SYN3: variants seen among roughly 807,000 people sequenced by gnomAD.
SYN3 encodes the protein synapsin III.
A neutral mutation model predicts 65.8 loss-of-function variants in SYN3; 35 were observed. The observed-to-expected ratio is 0.53, with a 90% CI of 0.41 to 0.70. SYN3 has a LOEUF of 0.70. SYN3 is among the 30% of genes least tolerant of loss of function. The probability of loss-of-function intolerance (pLI) is 0.00; values close to 1 mark genes in which losing one functional copy is unlikely to be tolerated. For synonymous variants in SYN3, 270 were observed against 292.9 expected, an observed-to-expected ratio of 0.92 and a Z score of 0.80; for missense variants, 680 against 749.0, an observed-to-expected ratio of 0.91 and a Z score of 1.08.
chr22:32,839,231 C>G (rs905578401), intron 6 of SYN3, among the ~76,000 whole-genome samples: 10 of 152,208 alleles, frequency 6.6e-5, no homozygotes, highest in Middle Eastern at 3.4e-3. Context: ...CAGAATAATC[C>G]TGTAGATACT....
At chr22:32,655,097 G>A (rs1257511682) in intron 6 of SYN3, among the ~76,000 whole-genome samples, 1 of 152,188 alleles carries the variant, frequency 6.6e-6, no homozygotes, top group African/African-American at 2.4e-5. Context: ...TAAACCCCAA[G>A]GTGATGGTAT....
chr22:32,583,946 A>G (rs2058986129), intron 7 of SYN3: 2 of 152,262 alleles, frequency 1.3e-5, no homozygotes, highest in African/African-American at 2.4e-5. Flanking sequence ...TCAGATCCTG[A>G]ATTCCAGCAG....
intron 4 of SYN3, among the ~76,000 whole-genome samples, chr22:32,871,219 A>T (rs2048841767): frequency 6.6e-6 from 1 of 152,210 alleles, no homozygotes; most frequent in Admixed American, 6.5e-5. Flanking sequence ...AAAAACAAAA[A>T]ACACCAAACC....
At position 32,541,634 on chromosome 22, in the gene SYN3, G is replaced by A. The variant is rs1314831621; in HGVS notation, c.854C>T (p.Ala285Val). ...GATGTCGTACTTGGAGTCGATGAAG[G>A]CCTCGGTGGTGGCGTAGGTTTTGGC... The part of the protein sequence containing the change: ...AMAKTYATTE[A>V]FIDSKYDIRI... Residue 285 changes from alanine to valine, a missense_variant, in exon 8 of 14, where the codon GCC (alanine) becomes GTC (valine). Ala to Val is a moderately conservative substitution (Grantham distance 64). Coordinates refer to ENST00000358763, the MANE Select transcript of SYN3 (RefSeq NM_003490.4). 4 of 1,614,024 alleles carry A rather than the reference G, an allele frequency of 2.5e-6. No homozygotes were observed. The East Asian group carries it at 6.7e-5, about 27-fold the overall frequency.
intron 6 of SYN3, among the ~76,000 whole-genome samples, chr22:32,657,414 C>T (rs1236109110): frequency 6.6e-6 from 1 of 150,832 alleles, no homozygotes; most frequent in African/African-American, 2.4e-5. Context: ...TGAGCCACCG[C>T]GCCCGGCCCG....
intron 6 of SYN3, among the ~76,000 whole-genome samples, chr22:32,722,564 C>T (rs2061134589): frequency 6.6e-6 from 1 of 152,220 alleles, no homozygotes. Flanking sequence ...ATGTCTCTTA[C>T]TCGGACAGTG....
intron 7 of SYN3, among the ~76,000 whole-genome samples, chr22:32,578,294 T>C (rs1307147848): frequency 6.6e-6 from 1 of 152,030 alleles, no homozygotes; most frequent in East Asian, 1.9e-4. Context: ...GGGCCTAGGC[T>C]GGAGTGCAGT....
chr22:33,020,104 AAC>A (rs1237442335), intron 1 of SYN3, among the ~76,000 whole-genome samples: 1 of 152,204 alleles, frequency 6.6e-6, no homozygotes, highest in Non-Finnish European at 1.5e-5. Context: ...AGAGACTCTG[AAC>A]ACAGAGGCCC....
intron 6 of SYN3, among the ~76,000 whole-genome samples, chr22:32,828,271 G>A (rs143813982): frequency 2.6e-5 from 4 of 152,188 alleles, no homozygotes; most frequent in African/African-American, 9.7e-5. Flanking sequence ...GCCTTCAAGT[G>A]GGGGAAACTC....
At chr22:32,694,263 C>A (rs889347779) in intron 6 of SYN3, among the ~76,000 whole-genome samples, 5 of 152,140 alleles carry the variant, frequency 3.3e-5, no homozygotes, top group Non-Finnish European at 7.3e-5. Flanking sequence ...GATGTAGAAA[C>A]TCGGGCAAGC....
chr22:32,725,236 A>G (rs1208260589), intron 6 of SYN3, among the ~76,000 whole-genome samples: 1 of 152,048 alleles, frequency 6.6e-6, no homozygotes, highest in Non-Finnish European at 1.5e-5. Flanking sequence ...TTTTTTTGCT[A>G]CTTTGGAGGA....
chr22:32,857,597 C>G (rs1243072730), intron 6 of SYN3, among the ~76,000 whole-genome samples: 1 of 152,210 alleles, frequency 6.6e-6, no homozygotes, highest in Non-Finnish European at 1.5e-5. Context: ...TAATTTGTAG[C>G]TTCTCAACTT....
chr22:32,725,131 AAACACAACACAACACAACACAACGC>A (rs1255792162), intron 6 of SYN3, among the ~76,000 whole-genome samples: 9 of 152,122 alleles, frequency 5.9e-5, no homozygotes, highest in Non-Finnish European at 8.8e-5. Flanking sequence ...AAAACAAAAC[AAACACAACACAACACAACACAACGC>A]AACACAACAC....
At chr22:32,853,992 A>T (rs1393923594) in intron 6 of SYN3, among the ~76,000 whole-genome samples, 2 of 152,164 alleles carry the variant, frequency 1.3e-5, no homozygotes, top group Non-Finnish European at 2.9e-5. Context: ...TTTGGATTAG[A>T]TTACCTTTAA....
chr22:32,671,308 T>G (rs946489416), intron 6 of SYN3, among the ~76,000 whole-genome samples: 3 of 151,048 alleles, frequency 2.0e-5, no homozygotes, highest in Non-Finnish European at 3.0e-5. Context: ...ACGCACACAT[T>G]CACACACCTC....
rs185456078 is a variant in SYN3 at position 33,036,321 on chromosome 22, C to T, written c.-163+21971G>A. Among the ~76,000 whole-genome samples the T allele has an allele frequency of 3.0e-4, 45 of 152,244 alleles. No homozygotes were observed. In the East Asian group the frequency reaches 5.6e-3, roughly 19 times the overall value. ...TCAGTTGTCATAGGGGACCAGAATA[C>T]GCTATCCCAAAATATACCACTTTGG... is the stretch of plus-strand genomic sequence containing the variant. On this transcript the variant is annotated intron_variant, in intron 1 of 13. Coordinates refer to ENST00000358763, the MANE Select transcript of SYN3 (RefSeq NM_003490.4).
At chr22:32,980,084 G>A (rs138793191) in intron 3 of SYN3, among the ~76,000 whole-genome samples, 1 of 152,298 alleles carries the variant, frequency 6.6e-6, no homozygotes, top group East Asian at 1.9e-4. Flanking sequence ...CACATAAAAT[G>A]AGGGACCTGG....
chr22:32,533,699 A>T, intron 10 of SYN3, 94 bp downstream of exon 10: 1 of 848,292 alleles, frequency 1.2e-6, no homozygotes, highest in Non-Finnish European at 1.9e-6. Flanking sequence ...GCCAGGACAC[A>T]GCTGATGGTG....
chr22:32,809,588 G>A (rs1337869191), intron 6 of SYN3, among the ~76,000 whole-genome samples: 2 of 152,080 alleles, frequency 1.3e-5, no homozygotes, highest in African/African-American at 4.8e-5. Flanking sequence ...ACAGTTATCC[G>A]ACACAATTTC....
Sources: gnomAD v4.1 joint callset for allele counts (sites outside exome capture counted in the v4.1 genomes callset) on GRCh38, gnomAD v4.1.1 for gene constraint, MANE v1.5 for transcripts, NCBI Gene and HGNC (gene_info 2026-07-23, HGNC 2026-07-21) for gene names.